Variants in CADPS2 observed in about 807,000 individuals in gnomAD.
CADPS2 encodes the protein calcium-dependent secretion activator 2.
CADPS2 carries 93 observed loss-of-function variants against 172.5 expected under a neutral mutation model. The observed-to-expected ratio is 0.54, with a 90% CI of 0.46 to 0.64. The LOEUF (loss-of-function observed/expected upper bound fraction) is 0.64, where lower values mean the gene tolerates loss of function less well. Ranked by LOEUF, CADPS2 falls within the 30% of genes least tolerant of loss-of-function variation. The pLI is 0.00. For synonymous variants in CADPS2, 546 were observed against 555.2 expected, an observed-to-expected ratio of 0.98 and a Z score of 0.23; for missense variants, 1,420 against 1,565.9, an observed-to-expected ratio of 0.91 and a Z score of 1.57.
intron 6 of CADPS2, among the ~76,000 whole-genome samples, chr7:122,587,736 G>T (rs1263182557): frequency 6.6e-6 from 1 of 152,046 alleles, no homozygotes; most frequent in East Asian, 1.9e-4. Context: ...ATATTCCTTT[G>T]GGTATATAAC....
chr7:122,824,398 A>G (rs888234761), intron 1 of CADPS2, among the ~76,000 whole-genome samples: 2 of 152,198 alleles, frequency 1.3e-5, no homozygotes, highest in Non-Finnish European at 2.9e-5. Flanking sequence ...GGCAATGTCT[A>G]AAAGTATTTG....
chr7:122,489,861 T>A (rs2152303289), intron 11 of CADPS2, among the ~76,000 whole-genome samples: 1 of 152,276 alleles, frequency 6.6e-6, no homozygotes, highest in African/African-American at 2.4e-5. Context: ...AGAAATACCC[T>A]AATGCTTGAC....
chr7:122,419,620 A>G (rs2048321833), intron 17 of CADPS2, among the ~76,000 whole-genome samples: 1 of 152,160 alleles, frequency 6.6e-6, no homozygotes, highest in South Asian at 2.1e-4. Context: ...GTTGTCTATA[A>G]ACCAAACAGA....
chr7:122,691,615 A>G (rs907122981), intron 2 of CADPS2, among the ~76,000 whole-genome samples: 1 of 152,238 alleles, frequency 6.6e-6, no homozygotes, highest in Admixed American at 6.5e-5. Flanking sequence ...ATGACATATG[A>G]TGAGGCTATG....
chr7:122,449,055 A>G (rs1161770739), intron 15 of CADPS2, among the ~76,000 whole-genome samples: 1 of 152,244 alleles, frequency 6.6e-6, no homozygotes, highest in Non-Finnish European at 1.5e-5. Flanking sequence ...AGCTTGTCTT[A>G]AAGCTTGCCT....
intron 6 of CADPS2, among the ~76,000 whole-genome samples, chr7:122,613,177 A>T (rs999615935): frequency 6.6e-6 from 1 of 152,108 alleles, no homozygotes; most frequent in African/African-American, 2.4e-5. Context: ...CAAAGAAAAA[A>T]ATAAATTAAA....
At chr7:122,603,973 G>C (rs140859260) in intron 6 of CADPS2, among the ~76,000 whole-genome samples, 18 of 152,014 alleles carry the variant, frequency 1.2e-4, no homozygotes, top group Non-Finnish European at 2.2e-4. Flanking sequence ...TACAACATGG[G>C]GGATGATGGA....
chr7:122,854,577 C>T (rs1814650475), intron 1 of CADPS2, among the ~76,000 whole-genome samples: 1 of 152,146 alleles, frequency 6.6e-6, no homozygotes. Flanking sequence ...CTAGCTGTGC[C>T]AGAACAAGGT....
chr7:122,752,873 G>A (rs542629334), intron 1 of CADPS2, among the ~76,000 whole-genome samples: 65 of 152,188 alleles, frequency 4.3e-4, no homozygotes, highest in African/African-American at 7.7e-4. Context: ...GAAATTGAGC[G>A]GGGCACATAA....
intron 2 of CADPS2, among the ~76,000 whole-genome samples, chr7:122,707,726 A>G (rs1935697182): frequency 6.6e-6 from 1 of 151,898 alleles, no homozygotes; most frequent in Admixed American, 6.6e-5. Flanking sequence ...AGAGCAGCAC[A>G]AAAGCAAAGA....
At chr7:122,585,224 T>C (rs1452089467) in intron 6 of CADPS2, among the ~76,000 whole-genome samples, 1 of 151,944 alleles carries the variant, frequency 6.6e-6, no homozygotes, top group Non-Finnish European at 1.5e-5. Flanking sequence ...TATAAATATT[T>C]ATCCTTGTAT....
chr7:122,496,796 C>T (rs772020948), intron 9 of CADPS2, among the ~76,000 whole-genome samples: 1 of 152,056 alleles, frequency 6.6e-6, no homozygotes, highest in South Asian at 2.1e-4. Context: ...AAAAAGAGTG[C>T]ATGTCTTGTA....
intron 1 of CADPS2, among the ~76,000 whole-genome samples, chr7:122,747,388 A>G (rs1341083843): frequency 6.6e-6 from 1 of 152,136 alleles, no homozygotes; most frequent in African/African-American, 2.4e-5. Context: ...ATTTCTACCC[A>G]ACGCTTTTCT....
At chr7:122,834,971 C>T (rs139287094) in intron 1 of CADPS2, among the ~76,000 whole-genome samples, 2,370 of 152,268 alleles carry the variant, frequency 0.016, 59 homozygotes, top group African/African-American at 0.054. Context: ...GAACTGAGAA[C>T]GGACAGACTG....
At chr7:122,598,851 C>T (rs1351803042) in intron 6 of CADPS2, among the ~76,000 whole-genome samples, 3 of 152,072 alleles carry the variant, frequency 2.0e-5, no homozygotes, top group African/African-American at 7.2e-5. Context: ...TGCCTTCTGT[C>T]TTCAGTGAGC....
intron 14 of CADPS2, among the ~76,000 whole-genome samples, chr7:122,465,106 T>G (rs1486636741): frequency 6.6e-6 from 1 of 151,640 alleles, no homozygotes; most frequent in Non-Finnish European, 1.5e-5. Flanking sequence ...ACTTGATGGA[T>G]TAAGAGAAAA....
chr7:122,869,926 C>T (rs1819316603), intron 1 of CADPS2, among the ~76,000 whole-genome samples: 1 of 151,988 alleles, frequency 6.6e-6, no homozygotes, highest in Non-Finnish European at 1.5e-5. Context: ...ATGGTAGCCT[C>T]ATGGTAACCA....
chr7:122,435,107 A>C (rs1430674775), intron 17 of CADPS2, among the ~76,000 whole-genome samples: 1 of 152,214 alleles, frequency 6.6e-6, no homozygotes, highest in African/African-American at 2.4e-5. Context: ...GCATTTTCAG[A>C]ATTCCTAATC....
At chr7:122,845,129 A>ATC (rs1232648941) in intron 1 of CADPS2, among the ~76,000 whole-genome samples, 1 of 152,200 alleles carries the variant, frequency 6.6e-6, no homozygotes, top group Non-Finnish European at 1.5e-5. Flanking sequence ...GGATACTGTC[A>ATC]TCAGTCAGAA....
Sources: gnomAD v4.1 joint callset for allele counts (sites outside exome capture counted in the v4.1 genomes callset) on GRCh38, gnomAD v4.1.1 for gene constraint, MANE v1.5 for transcripts, NCBI Gene and HGNC (gene_info 2026-07-23, HGNC 2026-07-21) for gene names.